HAO2: variants seen among roughly 807,000 people sequenced by gnomAD.
The protein encoded by HAO2 is hydroxyacid oxidase 2, also known as 2-Hydroxyacid oxidase 2.
A neutral mutation model predicts 37.4 loss-of-function variants in HAO2; 42 were observed. The ratio of observed to expected loss-of-function variants is 1.12; its 90% CI spans 0.88 to 1.45. The LOEUF (loss-of-function observed/expected upper bound fraction) is 1.45, where lower values mean the gene tolerates loss of function less well. HAO2 is among the 40% of genes most tolerant of loss of function. The pLI, the probability that HAO2 is intolerant of heterozygous loss-of-function variation, is 0.00. For synonymous variants in HAO2, 180 were observed against 162.8 expected, an observed-to-expected ratio of 1.11 and a Z score of -0.81; for missense variants, 476 against 430.2, an observed-to-expected ratio of 1.11 and a Z score of -0.94.
At chr1:119,380,769 T>A in intron 1 of HAO2, 1 of 1,232,384 alleles carries the variant, frequency 8.1e-7, no homozygotes, top group East Asian at 2.3e-5. Context: ...TTTTAAGAAG[T>A]GGTGGGGCCT....
intron 1 of HAO2, among the ~76,000 whole-genome samples, chr1:119,372,309 G>A (rs1649098583): frequency 6.6e-6 from 1 of 152,210 alleles, no homozygotes; most frequent in Non-Finnish European, 1.5e-5. Context: ...TAATTCAGTG[G>A]AAATGTAAGT....
At chr1:119,376,549 G>C (rs775864891) in intron 1 of HAO2, among the ~76,000 whole-genome samples, 13 of 152,340 alleles carry the variant, frequency 8.5e-5, no homozygotes, top group African/African-American at 3.1e-4. Flanking sequence ...TGCCCCAGTG[G>C]GGACTCTGTG....
chr1:119,392,072 A>G (rs2101287072), intron 5 of HAO2, 38 bp from the exon 6 acceptor site: 1 of 1,565,868 alleles, frequency 6.4e-7, no homozygotes, highest in Non-Finnish European at 8.7e-7. Context: ...GAGAGTCAAA[A>G]TAGAAAGCCC....
intron 1 of HAO2, among the ~76,000 whole-genome samples, chr1:119,370,505 T>C (rs963874692): frequency 2.6e-5 from 4 of 152,190 alleles, no homozygotes; most frequent in Admixed American, 2.0e-4. Context: ...GGCACTGTTC[T>C]AGAAATTTCA....
At chr1:119,380,602 T>C in intron 1 of HAO2, 1 of 884,614 alleles carries the variant, frequency 1.1e-6, no homozygotes. Flanking sequence ...ATCCAGGGCC[T>C]AGAAAGCTGG....
At chr1:119,387,654 T>C (rs1263873382) in intron 5 of HAO2, among the ~76,000 whole-genome samples, 1 of 152,176 alleles carries the variant, frequency 6.6e-6, no homozygotes, top group East Asian at 1.9e-4. Flanking sequence ...TAATATTGTG[T>C]TTTTTTCTTT....
In HAO2 at chr1:119,382,986, A is replaced by G. The variant is rs1650078531; in HGVS notation, c.203A>G (p.Glu68Gly). 1.9e-6 allele frequency: 3 copies of G among 1,612,766 alleles called. No individual in the cohort carries two copies. Among genetic ancestry groups the G allele is most frequent in the Non-Finnish European group, 2.5e-6 (3 of 1,178,900 alleles). Residue 68 changes from glutamate to glycine, a missense_variant, in exon 3 of 8, where the codon GAG becomes GGG. Physicochemically the swap from Glu to Gly is moderately conservative, Grantham distance 98. Coordinates refer to ENST00000325945, the MANE Select transcript of HAO2 (RefSeq NM_016527.4). ...VDTRTTIQGEEISAPICIAPT... is the reference protein window; with the variant it reads ...VDTRTTIQGEGISAPICIAPT... ...ACCAGAACCACAATCCAAGGGGAGG[A>G]GATCAGTGCCCCTATTTGTATCGCA...
At position 119,393,918 on chromosome 1, in the gene HAO2, T is replaced by C; in HGVS notation, c.*78T>C. ...ACTCACAGCACAGTGTGTGATGCTG[T>C]CCTTCCTGGACCCCATTCTGTCCGG... On this transcript the variant is annotated 3_prime_UTR_variant, in exon 8 of 8. Coordinates refer to ENST00000325945, the MANE Select transcript of HAO2 (RefSeq NM_016527.4). 2 of 1,606,808 alleles carry C rather than the reference T, an allele frequency of 1.2e-6. No individual in the cohort carries two copies. Among genetic ancestry groups the C allele is most frequent in the South Asian group, 2.2e-5 (2 of 90,784 alleles).
At chr1:119,377,675 G>A (rs1649579367) in intron 1 of HAO2, among the ~76,000 whole-genome samples, 1 of 152,218 alleles carries the variant, frequency 6.6e-6, no homozygotes, top group African/African-American at 2.4e-5. Flanking sequence ...ACATGGTTGG[G>A]GAGGCCTCAC....
chr1:119,369,709 T>C (rs752566226), intron 1 of HAO2, among the ~76,000 whole-genome samples: 1 of 152,126 alleles, frequency 6.6e-6, no homozygotes, highest in African/African-American at 2.4e-5. Flanking sequence ...GAACATCACT[T>C]GTGGTATATC....
At chr1:119,370,528 T>A (rs975258360) in intron 1 of HAO2, among the ~76,000 whole-genome samples, 1 of 152,210 alleles carries the variant, frequency 6.6e-6, no homozygotes, top group Non-Finnish European at 1.5e-5. Flanking sequence ...GGGGCCATAC[T>A]GCTTAGTCCT....
chr1:119,372,579 G>T (rs1168787249), intron 1 of HAO2, among the ~76,000 whole-genome samples: 1 of 152,222 alleles, frequency 6.6e-6, no homozygotes, highest in Non-Finnish European at 1.5e-5. Context: ...GCACATCTGT[G>T]TAGTAAAACG....
At chr1:119,374,425 A>G (rs1649279793) in intron 1 of HAO2, among the ~76,000 whole-genome samples, 1 of 152,212 alleles carries the variant, frequency 6.6e-6, no homozygotes, top group Admixed American at 6.5e-5. Flanking sequence ...GGGAAGACTG[A>G]TTACAGCATT....
intron 3 of HAO2, among the ~76,000 whole-genome samples, chr1:119,383,677 T>C (rs769568861): frequency 2.0e-5 from 3 of 149,600 alleles, no homozygotes; most frequent in Non-Finnish European, 4.4e-5. Context: ...ATAATAATAA[T>C]AATAATAAAT....
At chr1:119,375,455 T>C (rs904818495) in intron 1 of HAO2, among the ~76,000 whole-genome samples, 9 of 152,224 alleles carry the variant, frequency 5.9e-5, no homozygotes, top group African/African-American at 1.9e-4. Flanking sequence ...ATTGTATTTT[T>C]CAACCTACAA....
Position 119,392,699 on chromosome 1 carries a change from T to G in HAO2, c.1000+12T>G. 6.5e-7 allele frequency: 1 copy of G among 1,539,112 alleles called. No homozygotes were observed. The highest frequency in any genetic ancestry group is 9.0e-7 in the Non-Finnish European group (1 of 1,111,836). ...CATGGCCCTTACAGGTAAGTTAACA[T>G]GTTTTCCCTGATTTGGAACTTAAAG... On this transcript the variant is annotated intron_variant, in intron 7 of 7. Coordinates refer to ENST00000325945, the MANE Select transcript of HAO2 (RefSeq NM_016527.4).
chr1:119,380,595 C>A, intron 1 of HAO2: 4 of 804,078 alleles, frequency 5.0e-6, no homozygotes, highest in South Asian at 1.6e-5. Context: ...AGTGAAAATC[C>A]AGGGCCTAGA....
At chr1:119,382,754 A>T (rs966508385) in intron 2 of HAO2, among the ~76,000 whole-genome samples, 161 bp from the exon 3 acceptor site, 2 of 152,212 alleles carry the variant, frequency 1.3e-5, no homozygotes, top group African/African-American at 4.8e-5. Flanking sequence ...TCCTGGATCA[A>T]CATAGGTTAC....
intron 5 of HAO2, among the ~76,000 whole-genome samples, chr1:119,387,204 C>T (rs185451303): frequency 1.8e-3 from 279 of 152,172 alleles, no homozygotes; most frequent in Admixed American, 0.017. Flanking sequence ...AAAGTAAACA[C>T]GTTTCATGGC....
Sources: allele counts gnomAD v4.1 joint callset (sites outside exome capture counted in the v4.1 genomes callset), GRCh38; gene constraint gnomAD v4.1.1; transcripts MANE v1.5; gene names NCBI Gene and HGNC (gene_info 2026-07-23, HGNC 2026-07-21).